CENPE: variants seen among roughly 807,000 people sequenced by gnomAD.
CENPE encodes the protein centromere-associated protein E.
Under a neutral mutation model 336.1 loss-of-function variants are expected in CENPE, and 145 were observed. That is an observed-to-expected ratio of 0.43 (90% CI 0.38 to 0.50). The LOEUF is 0.50. CENPE is among the 20% of genes least tolerant of loss of function. CENPE has a pLI of 0.00. For synonymous variants in CENPE, 1,013 were observed against 984.8 expected, an observed-to-expected ratio of 1.03 and a Z score of -0.54; for missense variants, 2,719 against 3,023.3, an observed-to-expected ratio of 0.90 and a Z score of 2.36.
rs1315790156 is a variant in CENPE, at chr4:103,186,221, T to A, written c.694-360A>T. 3.3e-5 allele frequency among the ~76,000 whole-genome samples: 5 copies of A among 152,304 alleles called. 1 individual carries two copies. In the East Asian group the frequency reaches 5.8e-4, roughly 18 times the overall value. On this transcript the variant is annotated intron_variant, in intron 8 of 48. Coordinates refer to ENST00000265148, the MANE Select transcript of CENPE (RefSeq NM_001813.3). ...TACTCACTATTCCCCAAACACCCCA[T>A]GTACTTCTACACCTCCAAGCACCAG...
chr4:103,195,702 G>A (rs909674509), intron 4 of CENPE, among the ~76,000 whole-genome samples: 1 of 152,020 alleles, frequency 6.6e-6, no homozygotes, highest in Admixed American at 6.6e-5. Flanking sequence ...TATTGTTGCA[G>A]AATTCAAGAG....
chr4:103,190,479 A>G (rs1560681336), intron 8 of CENPE, among the ~76,000 whole-genome samples: 1 of 152,224 alleles, frequency 6.6e-6, no homozygotes, highest in Non-Finnish European at 1.5e-5. Flanking sequence ...AGCCCTCAGA[A>G]ATAATGCCAC....
chr4:103,110,786 T>C (rs1213058881), intron 47 of CENPE, 42 bp downstream of exon 47: 1 of 1,450,344 alleles, frequency 6.9e-7, no homozygotes. Context: ...ATATATGTAA[T>C]AGCCGTAAGC....
intron 2 of CENPE, 80 bp from the exon 3 acceptor site, chr4:103,196,332 A>T: frequency 9.5e-7 from 1 of 1,056,970 alleles, no homozygotes; most frequent in Non-Finnish European, 1.4e-6. Flanking sequence ...ATTAGTAATT[A>T]TTCCCAAAAG....
chr4:103,146,126 C>G lies in CENPE; in HGVS notation c.4135-19G>C. 11 of 1,604,866 alleles carry G rather than the reference C, an allele frequency of 6.9e-6. No individual in the cohort carries two copies. Among genetic ancestry groups the G allele is most frequent in the Non-Finnish European group, 9.4e-6 (11 of 1,176,320 alleles). ...CCTGGATCTTAAGAGAATCATAAAA[C>G]AGTACAGTTGATATCCAGAGATATT... On this transcript the variant is annotated intron_variant, in intron 29 of 48. Coordinates refer to ENST00000265148, the MANE Select transcript of CENPE (RefSeq NM_001813.3).
chr4:103,183,049 A>T lies in CENPE; in HGVS notation c.833+152T>A, dbSNP rs1049014336. ...AAAACTACTAAAAAATATTTAAAAC[A>T]GAAAGTAAATTCAGTAGATTATAAT... On this transcript the variant is annotated intron_variant, in intron 10 of 48. Transcript: ENST00000265148. The T allele has an allele frequency of 5.7e-6, 5 of 883,372 alleles. No individual in the cohort carries two copies. The African/African-American group carries it at 8.5e-5, about 15-fold the overall frequency. 54.7% of individuals were successfully genotyped at this position (883,372 alleles called of 1,614,324 possible). A position where few individuals can be genotyped will look rare whatever the true frequency, so the allele number is the denominator to read the frequency against.
chr4:103,140,225 A>C (rs373679322), intron 37 of CENPE, 31 bp downstream of exon 37: 2 of 1,563,216 alleles, frequency 1.3e-6, no homozygotes, highest in African/African-American at 2.8e-5. Context: ...GGGCACAGTT[A>C]CTTCCAAAAG....
intron 43 of CENPE, among the ~76,000 whole-genome samples, chr4:103,122,133 G>A (rs1750685679): frequency 6.6e-6 from 1 of 152,066 alleles, no homozygotes; most frequent in Non-Finnish European, 1.5e-5. Context: ...TTTATCTGTA[G>A]CAGCTGACTG....
Position 103,109,045 on chromosome 4 carries a change from C to G in CENPE, c.7769G>C (p.Arg2590Thr), listed in dbSNP as rs756585382. Residue 2590 changes from arginine (R) to threonine (T), a missense_variant, in exon 48 of 49, where the codon AGA becomes ACA. Physicochemically the swap from Arg to Thr is moderately conservative, Grantham distance 71. Transcript: ENST00000265148. ...LSNEVKTWKE[R>T]TLKREAHKQV... ...TTTGTGAGCCTCTCTTTTAAGGGTT[C>G]TTTCCTTCCAAGTTTTGACCTCATT... 32 of 1,612,996 alleles carry G rather than the reference C, an allele frequency of 2.0e-5. No homozygotes were observed. The highest frequency in any genetic ancestry group is 3.4e-6 in the Non-Finnish European group (4 of 1,179,644).
chr4:103,167,144 G>A (rs1560652929), intron 16 of CENPE, among the ~76,000 whole-genome samples: 3 of 151,980 alleles, frequency 2.0e-5, no homozygotes, highest in Admixed American at 6.5e-5. Context: ...TAATTATTTA[G>A]AAACATACTT....
At chr4:103,155,698 G>A (rs1261098383) in intron 24 of CENPE, among the ~76,000 whole-genome samples, 17 of 152,072 alleles carry the variant, frequency 1.1e-4, no homozygotes, top group Non-Finnish European at 1.5e-5. Context: ...CAGAAAAAGT[G>A]AGAGAGAAGA....
intron 29 of CENPE, among the ~76,000 whole-genome samples, chr4:103,146,706 A>G (rs532814628): frequency 1.6e-4 from 25 of 152,352 alleles, no homozygotes; most frequent in African/African-American, 6.0e-4. Flanking sequence ...TCTTTATTTA[A>G]AAAGTAGCAA....
chr4:103,139,013 C>T (rs1423896742), intron 38 of CENPE, among the ~76,000 whole-genome samples: 1 of 152,164 alleles, frequency 6.6e-6, no homozygotes, highest in Non-Finnish European at 1.5e-5. Context: ...GCAAAACCAC[C>T]TGTACTGTCT....
chr4:103,133,734 C>G lies in CENPE; in HGVS notation c.6681G>C (p.Arg2227Ser), dbSNP rs750752491. The change falls in exon 41 of 49, where the codon AGG (arginine) becomes AGC (serine). Residue 2227 changes from arginine to serine, a missense_variant. Physicochemically the swap from Arg to Ser is moderately radical, Grantham distance 110. This residue lies in a region of CENPE where 2,437 missense variants were observed against 2,513.3 expected (regional missense o/e 0.97). Transcript: ENST00000265148. ...CCATATTCTGGTTCAATTTGAGATC[C>G]CTTAATTCTCTGGATGGTACATCAC... ...QDCDVPSRELRDLKLNQNMDL... is the reference protein window; with the variant it reads ...QDCDVPSRELSDLKLNQNMDL... 1.2e-5 allele frequency: 19 copies of G among 1,608,856 alleles called. No homozygotes were observed. The East Asian group carries it at 4.2e-4, about 36-fold the overall frequency.
Position 103,136,353 on chromosome 4 carries a change from A to G in CENPE, c.6310T>C (p.Leu2104=). The change falls in exon 40 of 49, where the codon TTG becomes CTG. Residue 2104 remains leucine (L), a synonymous_variant. Transcript: ENST00000265148. ...TCATCCATCTCTGAGTATCTCTTCA[A>G]AAGCTCCTAAAGGAAATGAGAATTC... ...REKCSRIKEL[L]KRYSEMDDHY... is the part of the protein sequence containing the mutation. The G allele has an allele frequency of 1.9e-6, 3 of 1,602,312 alleles. No homozygotes were observed. The highest frequency in any genetic ancestry group is 2.6e-6 in the Non-Finnish European group (3 of 1,173,600).
At chr4:103,186,808 T>C (rs769907474) in intron 8 of CENPE, among the ~76,000 whole-genome samples, 6 of 152,176 alleles carry the variant, frequency 3.9e-5, no homozygotes, top group Admixed American at 6.6e-5. Context: ...GGAAGGCTTG[T>C]CATTAAGCTG....
rs145669549 is a variant in CENPE, at chr4:103,152,656, C to T, written c.3237+391G>A. On this transcript the variant is annotated intron_variant, in intron 25 of 48. Transcript: ENST00000265148. ...AGGAAAAAGAATAAAAAAATTATGG[C>T]GTATTAATACAATGAACTATTCCTT... Among the ~76,000 whole-genome samples, 263 of 152,110 alleles carry T rather than the reference C, an allele frequency of 1.7e-3. 3 individuals carry two copies. Among genetic ancestry groups the T allele is most frequent in the African/African-American group, 5.8e-3 (241 of 41,514 alleles).
intron 8 of CENPE, 97 bp downstream of exon 8, chr4:103,194,127 ATTTAG>A: frequency 1.3e-6 from 1 of 799,022 alleles, no homozygotes; most frequent in Non-Finnish European, 2.0e-6. Context: ...TTCCTCCCAC[ATTTAG>A]TTTAGTTAAC....
rs533631569 is a variant in CENPE at position 103,108,954 on chromosome 4, T to C, written c.7860A>G (p.Gln2620=). 70 of 1,613,902 alleles carry C rather than the reference T, an allele frequency of 4.3e-5. No homozygotes were observed. The South Asian group carries it at 6.0e-4, about 14-fold the overall frequency. Residue 2620 remains glutamine (Q), a synonymous_variant, in exon 48 of 49, where the codon CAA becomes CAG. Transcript: ENST00000265148. ...KVTGTASKKK[Q]ITPSQCKERN... ...GTTCCTTGCATTGAGAGGGTGTAAT[T>C]TGTTTCTTTTTAGAAGCTGTTCCAG...
Sources: gnomAD v4.1 joint callset for allele counts (sites outside exome capture counted in the v4.1 genomes callset) on GRCh38, gnomAD v4.1.1 for gene constraint, gnomAD v4.1.1 regional missense constraint, MANE v1.5 for transcripts, NCBI Gene and HGNC (gene_info 2026-07-23, HGNC 2026-07-21) for gene names.